CHST11: variants seen among roughly 807,000 people sequenced by gnomAD.
CHST11 encodes the protein C4S-1.
In CHST11, 9 loss-of-function variants were observed where a neutral mutation model predicts 30.4. The observed-to-expected ratio is 0.30, with a 90% CI of 0.18 to 0.52. The LOEUF is 0.52. Ranked by LOEUF, CHST11 falls within the 20% of genes least tolerant of loss-of-function variation. The pLI, the probability that CHST11 is intolerant of heterozygous loss-of-function variation, is 0.97. For missense variants in CHST11, 348 were observed against 460.6 expected, an observed-to-expected ratio of 0.76 and a Z score of 2.24; for synonymous variants, 152 against 187.8, an observed-to-expected ratio of 0.81 and a Z score of 1.56.
chr12:104,747,363 C>T (rs1301375935), intron 2 of CHST11, among the ~76,000 whole-genome samples: 2 of 152,210 alleles, frequency 1.3e-5, no homozygotes. Context: ...TCCTTATCCA[C>T]AAGTTGAAAA....
chr12:104,555,442 C>A (rs1340307018), intron 1 of CHST11, among the ~76,000 whole-genome samples: 4 of 152,176 alleles, frequency 2.6e-5, no homozygotes, highest in Non-Finnish European at 5.9e-5. Context: ...CATTCGTCTT[C>A]TAGACAGGAG....
chr12:104,578,342 G>A (rs756895452), intron 1 of CHST11, among the ~76,000 whole-genome samples: 5 of 152,124 alleles, frequency 3.3e-5, no homozygotes, highest in Non-Finnish European at 7.3e-5. Context: ...CTAACGATAA[G>A]TTTTCCTGAA....
intron 1 of CHST11, among the ~76,000 whole-genome samples, chr12:104,525,706 G>A (rs147258499): frequency 5.4e-4 from 82 of 152,204 alleles, no homozygotes; most frequent in African/African-American, 1.9e-3. Context: ...ATTTTTAAGG[G>A]CAAAGAGATT....
At chr12:104,665,115 G>T (rs1165917908) in intron 2 of CHST11, among the ~76,000 whole-genome samples, 1 of 152,142 alleles carries the variant, frequency 6.6e-6, no homozygotes, top group Non-Finnish European at 1.5e-5. Flanking sequence ...AGGTAATCTG[G>T]TCACTCTTGG....
At chr12:104,568,924 G>A (rs984430888) in intron 1 of CHST11, among the ~76,000 whole-genome samples, 1 of 152,198 alleles carries the variant, frequency 6.6e-6, no homozygotes, top group Non-Finnish European at 1.5e-5. Context: ...CTTTAAGACA[G>A]TCTATGTATG....
chr12:104,663,592 A>G (rs938058166), intron 2 of CHST11, among the ~76,000 whole-genome samples: 5 of 152,172 alleles, frequency 3.3e-5, no homozygotes, highest in African/African-American at 9.7e-5. Context: ...GTTTTTCTCC[A>G]TAACATTCAA....
At chr12:104,584,261 C>CTTTTT (rs34673490) in intron 1 of CHST11, among the ~76,000 whole-genome samples, 1 of 136,784 alleles carries the variant, frequency 7.3e-6, no homozygotes, top group African/African-American at 2.7e-5. Flanking sequence ...TCTCTTTCTT[C>CTTTTT]TTTTTTTTTT....
intron 2 of CHST11, among the ~76,000 whole-genome samples, chr12:104,696,502 A>AAAAAAAAAAC (rs2039948071): frequency 4.0e-5 from 6 of 149,856 alleles, no homozygotes; most frequent in African/African-American, 1.5e-4. Context: ...AAAAAAAAAA[A>AAAAAAAAAAC]AAAAACATAG....
At chr12:104,745,209 C>T (rs191266576) in intron 2 of CHST11, among the ~76,000 whole-genome samples, 106 of 152,264 alleles carry the variant, frequency 7.0e-4, no homozygotes, top group African/African-American at 2.4e-3. Context: ...ATCCTTTCCT[C>T]ATTGTTTGTT....
chr12:104,710,580 A>G (rs2040078944), intron 2 of CHST11, among the ~76,000 whole-genome samples: 1 of 152,004 alleles, frequency 6.6e-6, no homozygotes, highest in South Asian at 2.1e-4. Flanking sequence ...GGTCCACAAG[A>G]AGCTACATTC....
chr12:104,693,289 C>T lies in CHST11; in HGVS notation c.205-63660C>T, dbSNP rs144088154. Among the ~76,000 whole-genome samples the T allele has an allele frequency of 6.8e-4, 103 of 152,314 alleles. No individual in the cohort carries two copies. In the Middle Eastern group the frequency reaches 0.017, roughly 25 times the overall value. On this transcript the variant is annotated intron_variant, in intron 2 of 2. Coordinates refer to ENST00000303694, the MANE Select transcript of CHST11 (RefSeq NM_018413.6). ...TAAATTTGAAGGGGTCACAGATCAGCGCAACACGCCCAGTGTGACACCACT... is the reference window on the plus strand; with the variant it reads ...TAAATTTGAAGGGGTCACAGATCAGTGCAACACGCCCAGTGTGACACCACT...
chr12:104,562,773 C>A (rs10861232), intron 1 of CHST11, among the ~76,000 whole-genome samples: 30,680 of 152,078 alleles, frequency 0.2, 3,916 homozygotes, highest in East Asian at 0.43. Flanking sequence ...AGGGCTGAGT[C>A]TTTGGGGGCC....
intron 1 of CHST11, among the ~76,000 whole-genome samples, chr12:104,528,476 G>A (rs377728379): frequency 5.3e-5 from 8 of 152,156 alleles, no homozygotes; most frequent in African/African-American, 9.7e-5. Context: ...ATTTGCAAAC[G>A]TAGGAAGAAA....
chr12:104,591,991 C>T (rs975319722), intron 1 of CHST11, among the ~76,000 whole-genome samples: 3 of 139,524 alleles, frequency 2.2e-5, no homozygotes, highest in Non-Finnish European at 4.8e-5. Flanking sequence ...GCAGTGTGTC[C>T]TTGGACAGAT....
At chr12:104,467,217 C>T (rs1370323141) in intron 1 of CHST11, among the ~76,000 whole-genome samples, 1 of 152,324 alleles carries the variant, frequency 6.6e-6, no homozygotes, top group East Asian at 1.9e-4. Context: ...AGTTTCATAA[C>T]TGACATGTAA....
At position 104,757,698 on chromosome 12, in the gene CHST11, C is replaced by T; in HGVS notation, c.954C>T (p.Phe318=). The T allele has an allele frequency of 6.2e-7, 1 of 1,614,180 alleles. No homozygotes were observed. The highest frequency in any genetic ancestry group is 8.5e-7 in the Non-Finnish European group (1 of 1,180,042). ...TRTTDEMTTE[F]FQNISSEHQT... ...CTACTGATGAAATGACCACAGAATT[C>T]TTCCAGAACATCAGCTCAGAGCACC... is the stretch of plus-strand genomic sequence containing the variant. Residue 318 remains phenylalanine, a synonymous_variant, in exon 3 of 3, where the codon TTC becomes TTT. Coordinates refer to ENST00000303694, the MANE Select transcript of CHST11 (RefSeq NM_018413.6). The surrounding 1 kb of genome is among the most constrained non-coding windows in gnomAD (Gnocchi z 6.5).
chr12:104,646,617 A>C (rs1452727032), intron 2 of CHST11, among the ~76,000 whole-genome samples: 1 of 146,612 alleles, frequency 6.8e-6, no homozygotes, highest in Non-Finnish European at 1.5e-5. Flanking sequence ...CTGTAGTCCC[A>C]GCTAGTTGAC....
Position 104,755,911 on chromosome 12 carries a change from A to AC in CHST11, c.205-1030dup, listed in dbSNP as rs60022159. Reference sequence around the variant, plus strand: ...AAGAGTGAATCATTGGTTTCTCGGGACCCCCCCCTCCGGTTATGAAAGGGT... The same window carrying AC: ...AAGAGTGAATCATTGGTTTCTCGGGACCCCCCCCCTCCGGTTATGAAAGGGT... On this transcript the variant is annotated intron_variant, in intron 2 of 2. Transcript: ENST00000303694. 4.0e-4 allele frequency among the ~76,000 whole-genome samples: 61 copies of AC among 151,688 alleles called. 1 individual carries two copies. The Middle Eastern group carries it at 0.01, about 25-fold the overall frequency.
intron 1 of CHST11, among the ~76,000 whole-genome samples, chr12:104,565,258 A>ATTTTTTTTTTTTTTTTTTT (rs66825272): frequency 1.4e-5 from 1 of 72,916 alleles, no homozygotes; most frequent in African/African-American, 5.9e-5. Context: ...GTTTTCTAGG[A>ATTTTTTTTTTTTTTTTTTT]TTTTTTTTTT....
Sources: allele counts gnomAD v4.1 joint callset (sites outside exome capture counted in the v4.1 genomes callset), GRCh38; gene constraint gnomAD v4.1.1; non-coding constraint Gnocchi (gnomAD v3.1); transcripts MANE v1.5; gene names NCBI Gene and HGNC (gene_info 2026-07-23, HGNC 2026-07-21).